PCSK7: variants seen among roughly 807,000 people sequenced by gnomAD.
PCSK7 encodes the protein lymphoma proprotein convertase.
A neutral mutation model predicts 73.3 loss-of-function variants in PCSK7; 38 were observed. That is an observed-to-expected ratio of 0.52 (90% confidence interval 0.40 to 0.68). PCSK7 has a LOEUF of 0.68. Ranked by LOEUF, PCSK7 falls within the 30% of genes least tolerant of loss-of-function variation. The pLI, the probability that PCSK7 is intolerant of heterozygous loss-of-function variation, is 0.00. For missense variants in PCSK7, 692 were observed against 991.5 expected (o/e 0.70, Z 4.06); for synonymous variants, 296 against 383.8 (o/e 0.77, Z 2.68).
At chr11:117,227,449 G>A (rs184630908) in intron 4 of PCSK7, 127 bp from the exon 5 acceptor site, 87 of 759,972 alleles carry the variant, frequency 1.1e-4, no homozygotes, top group Middle Eastern at 2.6e-4. Context: ...ATTTCTCATC[G>A]TTTCTGTTTT....
chr11:117,231,374 C>T (rs1447076298), intron 1 of PCSK7, among the ~76,000 whole-genome samples: 1 of 152,218 alleles, frequency 6.6e-6, no homozygotes, highest in African/African-American at 2.4e-5. Flanking sequence ...CTCAATCCCT[C>T]CCTGCCCCCG....
At chr11:117,228,689 C>T (rs965146874) in intron 3 of PCSK7, among the ~76,000 whole-genome samples, 3 of 149,322 alleles carry the variant, frequency 2.0e-5, no homozygotes, top group Admixed American at 6.8e-5. Flanking sequence ...GGCAGGATCT[C>T]GGCTCACTGC....
At chr11:117,215,364 T>TTTTGTGTGTG (rs57433360) in intron 12 of PCSK7, 27 of 84,896 alleles carry the variant, frequency 3.2e-4, no homozygotes, top group African/African-American at 4.5e-4. Flanking sequence ...CCTGGCTAAT[T>TTTTGTGTGTG]TGTGTGTGTG....
At position 117,229,487 on chromosome 11, in the gene PCSK7, C is replaced by T. The variant is rs1428949254; in HGVS notation, c.358G>A (p.Val120Met). 1.2e-6 allele frequency: 2 copies of T among 1,612,170 alleles called. No homozygotes were observed. The highest frequency in any genetic ancestry group is 2.2e-5 in the South Asian group (2 of 91,090). ...VEAIRQQVEA[V>M]LAGHEAVRWH... ...CGCACAGCTTCATGCCCAGCCAACA[C>T]AGCCTCCACCTGCTGCCGGATGGCC... is the stretch of plus-strand genomic sequence containing the variant. The change falls in exon 3 of 17, where the codon GTG becomes ATG. Residue 120 changes from valine to methionine, a missense_variant. Val to Met is a conservative substitution (Grantham distance 21). Coordinates refer to ENST00000320934, the MANE Select transcript of PCSK7 (RefSeq NM_004716.4).
In PCSK7 at chr11:117,219,671, T is replaced by C; in HGVS notation, c.1243A>G (p.Met415Val). ...TSAAAPLAAG[M>V]IALMLQVRPC... ...CGCACCTGCAGCATTAAGGCTATCA[T>C]GCCAGCTGCCAGAGGCGCTGCAGCT... The change falls in exon 10 of 17, where the codon ATG becomes GTG. Residue 415 changes from methionine (M) to valine (V), a missense_variant. Met to Val is a conservative substitution (Grantham distance 21, BLOSUM62 1). Coordinates refer to ENST00000320934, the MANE Select transcript of PCSK7 (RefSeq NM_004716.4). The C allele has an allele frequency of 1.9e-6, 3 of 1,612,406 alleles. No individual in the cohort carries two copies. Among genetic ancestry groups the C allele is most frequent in the Non-Finnish European group, 2.5e-6 (3 of 1,179,440 alleles).
At chr11:117,210,425 C>G (rs1189530136) in intron 12 of PCSK7, 2 of 145,274 alleles carry the variant, frequency 1.4e-5, no homozygotes, top group African/African-American at 2.6e-5. Flanking sequence ...GTGGCATGAT[C>G]TTGGCTCACT....
At chr11:117,230,873 A>G (rs181341137) in intron 1 of PCSK7, among the ~76,000 whole-genome samples, 204 of 152,270 alleles carry the variant, frequency 1.3e-3, no homozygotes, top group Non-Finnish European at 2.5e-3. Flanking sequence ...GAGTGCAAAC[A>G]AAACAGAACA....
Position 117,229,520 on chromosome 11 carries a change from C to A in PCSK7, c.325G>T (p.Glu109Ter). ...ACCTGCTGCCGGATGGCCTCCACCT[C>A]CAGGGCCGGCCTGTGCCCAGCAGGC... is the stretch of plus-strand genomic sequence containing the variant. ...VQPAGHRPAL[E>*]VEAIRQQVEA... Residue 109 changes from glutamate to a stop codon, truncating the protein, a stop_gained, in exon 3 of 17, where the codon GAG (glutamate) becomes TAG (stop). Coordinates refer to ENST00000320934, the MANE Select transcript of PCSK7 (RefSeq NM_004716.4). LOFTEE classifies it high-confidence loss of function. 8 of 1,613,010 alleles carry A rather than the reference C, an allele frequency of 5.0e-6. No individual in the cohort carries two copies. Among genetic ancestry groups the A allele is most frequent in the Non-Finnish European group, 6.8e-6 (8 of 1,180,024 alleles).
intron 12 of PCSK7, chr11:117,212,313 T>C (rs1167015514): frequency 6.6e-6 from 1 of 152,180 alleles, no homozygotes; most frequent in African/African-American, 2.4e-5. Flanking sequence ...TTATGGCAGA[T>C]GAGAATCTAA....
chr11:117,210,524 A>C (rs1365899634), intron 12 of PCSK7: 1 of 152,056 alleles, frequency 6.6e-6, no homozygotes, highest in Non-Finnish European at 1.5e-5. Context: ...ATGGCCACCT[A>C]ATTTTTGTAT....
intron 4 of PCSK7, among the ~76,000 whole-genome samples, 191 bp downstream of exon 4, chr11:117,228,025 T>G (rs1015659801): frequency 3.3e-5 from 5 of 152,158 alleles, no homozygotes; most frequent in African/African-American, 1.2e-4. Context: ...AGAGCAGGAT[T>G]GTTCTTAGAG....
chr11:117,222,014 C>A (rs2032216334), intron 9 of PCSK7: 2 of 152,224 alleles, frequency 1.3e-5, no homozygotes, highest in Non-Finnish European at 2.9e-5. Context: ...ATTGGCATAA[C>A]AAAATTTTAG....
Position 117,218,506 on chromosome 11 carries a change from C to T in PCSK7, c.1494G>A (p.Ala498=), listed in dbSNP as rs777717713. The change falls in exon 12 of 17, where the codon GCG becomes GCA. Residue 498 remains alanine, a synonymous_variant. Coordinates refer to ENST00000320934, the MANE Select transcript of PCSK7 (RefSeq NM_004716.4). The surrounding 1 kb of genome is among the most constrained non-coding windows in gnomAD (Gnocchi z 4.0). The part of the protein sequence containing the change: ...YVSPVLKENK[A]IPQSPRSLEV... ...CCAGGGAACGGGGGGACTGCGGAATCGCCTTGTTTTCTTTTAACACGGGAC... is the reference window on the plus strand; with the variant it reads ...CCAGGGAACGGGGGGACTGCGGAATTGCCTTGTTTTCTTTTAACACGGGAC... The T allele has an allele frequency of 1.2e-5, 19 of 1,609,972 alleles. No individual in the cohort carries two copies. Among genetic ancestry groups the T allele is most frequent in the South Asian group, 6.6e-5 (6 of 90,514 alleles).
In PCSK7 at chr11:117,221,464, G is replaced by C. The variant is rs902309980; in HGVS notation, c.1156-1706C>G. On this transcript the variant is annotated intron_variant, in intron 9 of 16. Coordinates refer to ENST00000320934, the MANE Select transcript of PCSK7 (RefSeq NM_004716.4). ...GCATTGAAAAGTCCAGAGAAGCTTTGCTTCCCCAGGGAGCCAAATGGTGGG... is the reference window on the plus strand; with the variant it reads ...GCATTGAAAAGTCCAGAGAAGCTTTCCTTCCCCAGGGAGCCAAATGGTGGG... The C allele has an allele frequency of 3.9e-5, 6 of 152,362 alleles. No individual in the cohort carries two copies. In the East Asian group the frequency reaches 1.2e-3, roughly 29 times the overall value. The allele number at this position is 152,362 out of a possible 1,614,324, so 9.4% of individuals were successfully genotyped here.
chr11:117,226,160 T>C (rs7926495), intron 5 of PCSK7, 139 bp from the exon 6 acceptor site: 2 of 618,764 alleles, frequency 3.2e-6, no homozygotes, highest in South Asian at 1.9e-5. Flanking sequence ...TTTTTTGAGA[T>C]AAAGTCTTAC....
At position 117,224,110 on chromosome 11, in the gene PCSK7, C is replaced by T. The variant is rs752121996; in HGVS notation, c.1022G>A (p.Gly341Asp). 1.2e-6 allele frequency: 2 copies of T among 1,604,606 alleles called. No homozygotes were observed. Among genetic ancestry groups the T allele is most frequent in the South Asian group, 1.1e-5 (1 of 89,368 alleles). ...GACGGTGTAGATGGAGTTGGCGTAG[C>T]CATCGTAGTTGCAGTTGTCGTTGTG... ...GQHNDNCNYD[G>D]YANSIYTVTI... The change falls in exon 8 of 17, where the codon GGC becomes GAC. Residue 341 changes from glycine to aspartate, a missense_variant. Gly to Asp is a moderately conservative substitution (Grantham distance 94, BLOSUM62 -1). Around this residue, in one of 6 missense-constraint regions of PCSK7, gnomAD observed 574 missense variants for 689.8 expected, o/e 0.83. Transcript: ENST00000320934.
At chr11:117,225,737 C>A in intron 6 of PCSK7, 194 bp downstream of exon 6, 1 of 610,038 alleles carries the variant, frequency 1.6e-6, no homozygotes, top group South Asian at 1.9e-5. Flanking sequence ...AATCTGATTA[C>A]GGGGGTGACG....
At chr11:117,213,972 T>TC (rs2031850450) in intron 12 of PCSK7, 1 of 140,068 alleles carries the variant, frequency 7.1e-6, no homozygotes, top group African/African-American at 2.8e-5. Context: ...TTTTTTTTTT[T>TC]TTTTAGACGG....
chr11:117,229,255 C>A, intron 3 of PCSK7, 122 bp downstream of exon 3: 1 of 794,040 alleles, frequency 1.3e-6, no homozygotes, highest in Non-Finnish European at 2.1e-6. Flanking sequence ...CACCACAGAA[C>A]CGGGAAATGG....
Sources: gnomAD v4.1 joint callset for allele counts (sites outside exome capture counted in the v4.1 genomes callset) on GRCh38, gnomAD v4.1.1 for gene constraint, gnomAD v4.1.1 regional missense constraint, Gnocchi (gnomAD v3.1) non-coding constraint, MANE v1.5 for transcripts, NCBI Gene and HGNC (gene_info 2026-07-23, HGNC 2026-07-21) for gene names.